ASAP1: variants seen among roughly 807,000 people sequenced by gnomAD.
The protein encoded by ASAP1 is ArfGAP with SH3 domain, ankyrin repeat and PH domain 1.
Under a neutral mutation model 145.2 loss-of-function variants are expected in ASAP1, and 43 were observed. The ratio of observed to expected loss-of-function variants is 0.30; its 90% CI spans 0.23 to 0.38. The LOEUF (loss-of-function observed/expected upper bound fraction) is 0.38, where lower values mean the gene tolerates loss of function less well. ASAP1 is among the 10% of genes least tolerant of loss of function. The probability of loss-of-function intolerance (pLI) is 1.00; values close to 1 mark genes in which losing one functional copy is unlikely to be tolerated. For synonymous variants in ASAP1, 546 were observed against 515.5 expected, an observed-to-expected ratio of 1.06 and a Z score of -0.80; for missense variants, 1,018 against 1,355.3, an observed-to-expected ratio of 0.75 and a Z score of 3.91.
At chr8:130,410,400 AC>A (rs1334098406) in intron 1 of ASAP1, among the ~76,000 whole-genome samples, 1 of 152,206 alleles carries the variant, frequency 6.6e-6, no homozygotes, top group Non-Finnish European at 1.5e-5. Context: ...CAAGAAGAGA[AC>A]AACGAAATAA....
intron 3 of ASAP1, among the ~76,000 whole-genome samples, chr8:130,300,861 T>C (rs1822617373): frequency 6.6e-6 from 1 of 152,110 alleles, no homozygotes; most frequent in Non-Finnish European, 1.5e-5. Flanking sequence ...CTGGACCAAG[T>C]TTCAGCAAAA....
intron 3 of ASAP1, among the ~76,000 whole-genome samples, chr8:130,243,562 C>T (rs62525888): frequency 0.19 from 28,849 of 152,148 alleles, 3,268 homozygotes; most frequent in East Asian, 0.44. Context: ...TGCCCTCTCC[C>T]CTCTGTTCCC....
chr8:130,095,294 ATTTTTT>A (rs71302392), intron 24 of ASAP1, among the ~76,000 whole-genome samples: 5 of 95,708 alleles, frequency 5.2e-5, no homozygotes, highest in Admixed American at 3.6e-4. Flanking sequence ...TAGGCCAGTG[ATTTTTT>A]TTTTTTTTTT....
At chr8:130,354,836 C>T (rs907826440) in intron 3 of ASAP1, among the ~76,000 whole-genome samples, 25 of 152,198 alleles carry the variant, frequency 1.6e-4, no homozygotes, top group African/African-American at 5.8e-4. Flanking sequence ...TGTGACCCTT[C>T]GCCCCAAAAG....
rs1160464392 is a variant in ASAP1, at chr8:130,118,516, T to C, written c.1767A>G (p.Leu589=). The C allele has an allele frequency of 6.2e-7, 1 of 1,611,384 alleles. No homozygotes were observed. The highest frequency in any genetic ancestry group is 1.7e-5 in the Admixed American group (1 of 59,670). ...GCCCAGGTTCCAGCAGTGGTTCCATTAGCTCTACCCCTTCTGCATAGACTT... is the reference window on the plus strand; with the variant it reads ...GCCCAGGTTCCAGCAGTGGTTCCATCAGCTCTACCCCTTCTGCATAGACTT... The part of the protein sequence containing the change: ...LIQVYAEGVE[L]MEPLLEPGQE... Residue 589 remains leucine (L), a synonymous_variant, in exon 19 of 30, where the codon CTA becomes CTG. Coordinates refer to ENST00000518721, the MANE Select transcript of ASAP1 (RefSeq NM_018482.4).
At chr8:130,182,318 A>C (rs114389582) in intron 7 of ASAP1, among the ~76,000 whole-genome samples, 137 of 152,368 alleles carry the variant, frequency 9.0e-4, no homozygotes, top group African/African-American at 2.9e-3. Flanking sequence ...AATTGAAGAC[A>C]AAAAAGGATG....
chr8:130,218,967 AAT>A (rs1310561747), intron 4 of ASAP1, among the ~76,000 whole-genome samples: 1 of 152,078 alleles, frequency 6.6e-6, no homozygotes, highest in Non-Finnish European at 1.5e-5. Context: ...CTAGCATAAA[AAT>A]ATAACAGTTT....
At chr8:130,306,602 G>A (rs1823006724) in intron 3 of ASAP1, among the ~76,000 whole-genome samples, 1 of 152,164 alleles carries the variant, frequency 6.6e-6, no homozygotes, top group African/African-American at 2.4e-5. Context: ...AGGGACAGAT[G>A]TTAATAACCT....
Position 130,309,006 on chromosome 8 carries a change from G to A in ASAP1, c.186+49011C>T, listed in dbSNP as rs145116300. ...AGTTGGTATTTTAAATTTGCCTGAT[G>A]CTCCACACCACAAATGACTTACACG... On this transcript the variant is annotated intron_variant, in intron 3 of 29. Coordinates refer to ENST00000518721, the MANE Select transcript of ASAP1 (RefSeq NM_018482.4). Among the ~76,000 whole-genome samples the A allele has an allele frequency of 7.2e-4, 110 of 152,308 alleles. 2 individuals are homozygous for A. The East Asian group carries it at 0.021, about 29-fold the overall frequency.
intron 4 of ASAP1, among the ~76,000 whole-genome samples, chr8:130,234,819 C>T (rs1440131949): frequency 2.0e-5 from 3 of 152,160 alleles, no homozygotes; most frequent in African/African-American, 7.2e-5. Context: ...AGAGAACTGA[C>T]CATTCTTCCT....
Position 130,057,966 on chromosome 8 carries a change from G to A in ASAP1, c.3303C>T (p.Asp1101=), listed in dbSNP as rs770179385. Residue 1101 remains aspartate, a synonymous_variant, in exon 29 of 30, where the codon GAC becomes GAT. Transcript: ENST00000518721. Reference sequence around the variant, plus strand: ...TATTCGTACGTACCCACCACTCCTGGTCCTCTTCCCCTGTGACGATAATCA... The same window carrying A: ...TATTCGTACGTACCCACCACTCCTGATCCTCTTCCCCTGTGACGATAATCA... ...GEVIIVTGEE[D]QEWWIGHIEG... is the part of the protein sequence containing the mutation. 3.7e-6 allele frequency: 6 copies of A among 1,614,050 alleles called. No individual in the cohort carries two copies. The highest frequency in any genetic ancestry group is 5.1e-6 in the Non-Finnish European group (6 of 1,180,042).
chr8:130,227,858 A>G (rs973310855), intron 4 of ASAP1, among the ~76,000 whole-genome samples: 1 of 152,120 alleles, frequency 6.6e-6, no homozygotes, highest in African/African-American at 2.4e-5. Flanking sequence ...TATGACCCCA[A>G]AATGTTCAGA....
At chr8:130,361,943 A>T (rs887990082) in intron 2 of ASAP1, among the ~76,000 whole-genome samples, 5 of 152,108 alleles carry the variant, frequency 3.3e-5, no homozygotes, top group Admixed American at 3.3e-4. Flanking sequence ...TGTCGCCATT[A>T]TAATAAGACT....
At chr8:130,320,075 T>A (rs1289810571) in intron 3 of ASAP1, among the ~76,000 whole-genome samples, 1 of 152,234 alleles carries the variant, frequency 6.6e-6, no homozygotes. Context: ...ATTTTCCACA[T>A]TTTTATAATG....
chr8:130,057,744 G>A (rs116244779), intron 29 of ASAP1, among the ~76,000 whole-genome samples: 4,143 of 152,274 alleles, frequency 0.027, 69 homozygotes, highest in Middle Eastern at 0.044. Context: ...CACTGTGCCC[G>A]GCCAGCTCCA....
chr8:130,118,277 C>A, intron 19 of ASAP1, 31 bp from the exon 20 acceptor site: 2 of 1,599,534 alleles, frequency 1.3e-6, no homozygotes, highest in South Asian at 2.2e-5. Context: ...ATAAGTAAGT[C>A]AATAATATGC....
At chr8:130,103,288 C>G (rs1417436439) in intron 24 of ASAP1, among the ~76,000 whole-genome samples, 1 of 149,234 alleles carries the variant, frequency 6.7e-6, no homozygotes, top group South Asian at 2.1e-4. Flanking sequence ...TTATTTGGGT[C>G]TTCTCCCTTC....
chr8:130,197,683 C>G (rs147896120), intron 5 of ASAP1, among the ~76,000 whole-genome samples: 9 of 152,314 alleles, frequency 5.9e-5, no homozygotes, highest in African/African-American at 2.2e-4. Context: ...TAAGCACACC[C>G]TTAGAATGAC....
In ASAP1 at chr8:130,358,237, G is replaced by A. The variant is rs1466323724; in HGVS notation, c.60-94C>T. 35 of 1,004,084 alleles carry A rather than the reference G, an allele frequency of 3.5e-5. No homozygotes were observed. The highest frequency in any genetic ancestry group is 4.3e-5 in the Non-Finnish European group (35 of 805,220). 62.2% of individuals were successfully genotyped at this position (1,004,084 alleles called of 1,614,324 possible). A position where few individuals can be genotyped will look rare whatever the true frequency, so the allele number is the denominator to read the frequency against. The stretch of plus-strand genomic sequence containing the variant: ...GCCGCCCGGAGGCTCATGAACCCCG[G>A]CGCGCAGCCCGCCACCCGCCGCCCG... On this transcript the variant is annotated intron_variant, in intron 2 of 29. Transcript: ENST00000518721. This position sits in a 1 kb window ranked among gnomAD's most constrained non-coding sequence, Gnocchi z 4.1.
Sources: allele counts gnomAD v4.1 joint callset (sites outside exome capture counted in the v4.1 genomes callset), GRCh38; gene constraint gnomAD v4.1.1; non-coding constraint Gnocchi (gnomAD v3.1); transcripts MANE v1.5; gene names NCBI Gene and HGNC (gene_info 2026-07-23, HGNC 2026-07-21).